The following POLR3B variants were observed in gnomAD, a reference collection of about 807,000 sequenced individuals.
POLR3B encodes the protein RNA polymerase III subunit B.
POLR3B carries 96 observed loss-of-function variants against 147.4 expected under a neutral mutation model. The ratio of observed to expected loss-of-function variants is 0.65; its 90% confidence interval spans 0.55 to 0.77. The LOEUF (loss-of-function observed/expected upper bound fraction) is 0.77, where lower values mean the gene tolerates loss of function less well. Ranked by LOEUF, POLR3B falls within the 30% of genes least tolerant of loss-of-function variation. POLR3B has a pLI of 0.00. For synonymous variants in POLR3B, 461 were observed against 485.9 expected (o/e 0.95, Z 0.67); for missense variants, 1,036 against 1,413.5 (o/e 0.73, Z 4.28).
chr12:106,451,415 G>T (rs749091789), intron 19 of POLR3B, among the ~76,000 whole-genome samples: 6 of 151,842 alleles, frequency 4.0e-5, no homozygotes, highest in Non-Finnish European at 8.8e-5. Flanking sequence ...ATCACTTGAG[G>T]TTGAGGAGTT....
At chr12:106,435,952 C>G (rs773519820) in intron 16 of POLR3B, among the ~76,000 whole-genome samples, 1 of 152,030 alleles carries the variant, frequency 6.6e-6, no homozygotes, top group African/African-American at 2.4e-5. Context: ...TAAATGTGAT[C>G]CCCTCCCTCT....
intron 1 of POLR3B, among the ~76,000 whole-genome samples, chr12:106,360,026 C>G (rs1400774323): frequency 1.3e-5 from 2 of 152,230 alleles, no homozygotes; most frequent in African/African-American, 4.8e-5. Flanking sequence ...TTCCTGCACT[C>G]TGTATCCAAT....
chr12:106,475,452 T>C lies in POLR3B; in HGVS notation c.2713+11832T>C, dbSNP rs1343661665. ...CTTTCTGTCTCATTGATCTGTCTAA[T>C]GTTGACAGTGGGGTGTTAAATTCTC... On this transcript the variant is annotated intron_variant, in intron 23 of 27. Transcript: ENST00000228347. Among the ~76,000 whole-genome samples the C allele has an allele frequency of 1.0e-4, 11 of 105,010 alleles. 4 individuals are homozygous for C. Among genetic ancestry groups the C allele is most frequent in the Non-Finnish European group, 1.7e-4 (9 of 53,302 alleles). The allele number at this position is 105,010 out of a possible 152,430, so 68.9% of individuals were successfully genotyped here.
chr12:106,394,914 A>G (rs576372938), intron 10 of POLR3B, among the ~76,000 whole-genome samples: 1 of 152,262 alleles, frequency 6.6e-6, no homozygotes. Context: ...AATAGTTGGT[A>G]TGTAGAACAT....
chr12:106,415,139 C>A (rs1325171608), intron 12 of POLR3B, among the ~76,000 whole-genome samples: 2 of 152,170 alleles, frequency 1.3e-5, no homozygotes, highest in Non-Finnish European at 2.9e-5. Context: ...TTCAGTGTAA[C>A]CTCCTAACAA....
At chr12:106,503,856 A>G (rs1007254089) in intron 26 of POLR3B, among the ~76,000 whole-genome samples, 2 of 152,252 alleles carry the variant, frequency 1.3e-5, no homozygotes, top group Non-Finnish European at 2.9e-5. Flanking sequence ...AACCATAACA[A>G]CCATCAATAT....
rs1193562578 is a variant in POLR3B, at chr12:106,366,640, T to C, written c.163-18T>C. The C allele has an allele frequency of 6.2e-7, 1 of 1,611,812 alleles. No homozygotes were observed. The highest frequency in any genetic ancestry group is 8.5e-7 in the Non-Finnish European group (1 of 1,177,872). On this transcript the variant is annotated intron_variant, in intron 3 of 27. Coordinates refer to ENST00000228347, the MANE Select transcript of POLR3B (RefSeq NM_018082.6). ...TTGGAAGCCAGAGTCTTTGCTAATG[T>C]TGCATTTTCCACTGCAGATAAAGAA... is the stretch of plus-strand genomic sequence containing the variant.
intron 19 of POLR3B, among the ~76,000 whole-genome samples, chr12:106,448,806 G>A (rs1593047397): frequency 6.6e-6 from 1 of 151,982 alleles, no homozygotes; most frequent in Non-Finnish European, 1.5e-5. Context: ...TTCTGACAAG[G>A]AAGCTGAATC....
intron 11 of POLR3B, 186 bp from the exon 12 acceptor site, chr12:106,410,640 A>G: frequency 1.6e-6 from 1 of 621,732 alleles, no homozygotes; most frequent in South Asian, 1.9e-5. Flanking sequence ...GTTACTGAGG[A>G]CAATGATGAA....
chr12:106,389,164 A>G (rs923013567), intron 9 of POLR3B, among the ~76,000 whole-genome samples: 1 of 152,214 alleles, frequency 6.6e-6, no homozygotes, highest in East Asian at 1.9e-4. Flanking sequence ...CCATAGCAAT[A>G]TGTCATTTAT....
At chr12:106,487,573 G>T (rs114565884) in intron 23 of POLR3B, among the ~76,000 whole-genome samples, 5 of 152,070 alleles carry the variant, frequency 3.3e-5, no homozygotes, top group African/African-American at 1.2e-4. Context: ...AGCTTACTTC[G>T]ACAAAGCTGT....
chr12:106,466,591 T>C (rs895234190), intron 23 of POLR3B, among the ~76,000 whole-genome samples: 1 of 152,172 alleles, frequency 6.6e-6, no homozygotes, highest in Non-Finnish European at 1.5e-5. Flanking sequence ...CTAGGTCTTA[T>C]GTTTAGGTCT....
intron 10 of POLR3B, among the ~76,000 whole-genome samples, chr12:106,395,359 G>T (rs1460052469): frequency 6.6e-6 from 1 of 152,180 alleles, no homozygotes; most frequent in Non-Finnish European, 1.5e-5. Context: ...ATGGCAGAAG[G>T]CAAAGGAGGG....
rs116755170 is a variant in POLR3B, at chr12:106,413,791, C to A, written c.1101+2831C>A. Among the ~76,000 whole-genome samples, 168 of 151,826 alleles carry A rather than the reference C, an allele frequency of 1.1e-3. 2 individuals are homozygous for A. The highest frequency in any genetic ancestry group is 3.9e-3 in the African/African-American group (163 of 41,424). ...TTTTCTGTTCTCTTTTTTCTATTAT[C>A]TTTGTTCCTTTACTGCATTCTGTGC... is the stretch of plus-strand genomic sequence containing the variant. On this transcript the variant is annotated intron_variant, in intron 12 of 27. Transcript: ENST00000228347.
At chr12:106,440,155 C>T (rs2037630736) in intron 18 of POLR3B, among the ~76,000 whole-genome samples, 1 of 152,144 alleles carries the variant, frequency 6.6e-6, no homozygotes, top group African/African-American at 2.4e-5. Flanking sequence ...ATTACTCAAG[C>T]CAACAAAACT....
intron 2 of POLR3B, among the ~76,000 whole-genome samples, 165 bp from the exon 3 acceptor site, chr12:106,366,351 G>A (rs530257365): frequency 6.6e-6 from 1 of 152,104 alleles, no homozygotes; most frequent in Non-Finnish European, 1.5e-5. Context: ...TTAATGAAAA[G>A]ATTTATTAAA....
At position 106,437,636 on chromosome 12, in the gene POLR3B, G is replaced by GA. The variant is rs753495605; in HGVS notation, c.1857-40dup. The GA allele has an allele frequency of 1.4e-5, 16 of 1,137,288 alleles. No homozygotes were observed. In the South Asian group the frequency reaches 2.0e-4, roughly 14 times the overall value. The allele number at this position is 1,137,288 out of a possible 1,614,324, so 70.4% of individuals were successfully genotyped here. ...TCCTGTTATTATATAAAATACTGCAGAAAAATGCTTTTTAATGATGTCTCT... is the reference window on the plus strand; with the variant it reads ...TCCTGTTATTATATAAAATACTGCAGAAAAAATGCTTTTTAATGATGTCTCT... On this transcript the variant is annotated intron_variant, in intron 17 of 27. Coordinates refer to ENST00000228347, the MANE Select transcript of POLR3B (RefSeq NM_018082.6).
chr12:106,414,737 C>T (rs1461092496), intron 12 of POLR3B, among the ~76,000 whole-genome samples: 2 of 152,166 alleles, frequency 1.3e-5, no homozygotes, highest in Non-Finnish European at 2.9e-5. Context: ...GCAGAGGTCC[C>T]TTCATTTTCA....
At chr12:106,503,953 G>T in intron 26 of POLR3B, 128 bp from the exon 27 acceptor site, 1 of 838,908 alleles carries the variant, frequency 1.2e-6, no homozygotes, top group Non-Finnish European at 2.1e-6. Context: ...CAAGGTCCCT[G>T]TCCAGTTATT....
Sources: allele counts gnomAD v4.1 joint callset (sites outside exome capture counted in the v4.1 genomes callset), GRCh38; gene constraint gnomAD v4.1.1; transcripts MANE v1.5; gene names NCBI Gene and HGNC (gene_info 2026-07-23, HGNC 2026-07-21).